COL14A1: variants seen among roughly 807,000 people sequenced by gnomAD.
The protein encoded by COL14A1 is collagen alpha-1(XIV) chain.
COL14A1 carries 136 observed loss-of-function variants against 230.3 expected under a neutral mutation model. That is an observed-to-expected ratio of 0.59 (90% CI 0.51 to 0.68). The LOEUF (loss-of-function observed/expected upper bound fraction) is 0.68, where lower values mean the gene tolerates loss of function less well. Among genes scored for constraint, COL14A1 ranks in the 30% least tolerant of loss-of-function variants. The pLI is 0.00. For synonymous variants in COL14A1, 792 were observed against 784.1 expected (o/e 1.01, Z -0.17); for missense variants, 1,976 against 2,215.8 (o/e 0.89, Z 2.17).
At chr8:120,178,929 T>G (rs957147831) in intron 5 of COL14A1, among the ~76,000 whole-genome samples, 1 of 152,266 alleles carries the variant, frequency 6.6e-6, no homozygotes, top group Middle Eastern at 3.4e-3. Context: ...GTTTTTTTTT[T>G]GTAAATTTGT....
intron 35 of COL14A1, among the ~76,000 whole-genome samples, chr8:120,299,876 G>C (rs1820657722): frequency 6.6e-6 from 1 of 151,942 alleles, no homozygotes; most frequent in Admixed American, 6.6e-5. Context: ...GCTCTATTTG[G>C]CTCTAATTTT....
At position 120,368,616 on chromosome 8, in the gene COL14A1, A is replaced by G. The variant is rs1034431874; in HGVS notation, c.5156-714A>G. 2.0e-4 allele frequency among the ~76,000 whole-genome samples: 30 copies of G among 152,158 alleles called. 1 individual carries two copies. Among genetic ancestry groups the G allele is most frequent in the African/African-American group, 7.2e-4 (30 of 41,450 alleles). ...AACAAGCATACAAGCCAAAAAAAAA[A>G]AAAAAAACATGCTGACAAATTTCTT... is the stretch of plus-strand genomic sequence containing the variant. On this transcript the variant is annotated intron_variant, in intron 46 of 47. Transcript: ENST00000297848.
At chr8:120,265,622 A>T (rs1819479240) in intron 24 of COL14A1, among the ~76,000 whole-genome samples, 1 of 150,774 alleles carries the variant, frequency 6.6e-6, no homozygotes, top group African/African-American at 2.4e-5. Context: ...CATATATATA[A>T]AATAAAAAAG....
intron 6 of COL14A1, among the ~76,000 whole-genome samples, chr8:120,197,551 T>C (rs949643527): frequency 6.6e-6 from 1 of 152,094 alleles, no homozygotes; most frequent in Admixed American, 6.6e-5. Flanking sequence ...TGATCAGAGT[T>C]TTTTTTAATG....
intron 36 of COL14A1, among the ~76,000 whole-genome samples, chr8:120,302,703 G>T (rs1820753141): frequency 6.6e-6 from 1 of 152,122 alleles, no homozygotes; most frequent in Non-Finnish European, 1.5e-5. Flanking sequence ...TTTTGCTTAG[G>T]ATTGCCTTGA....
At chr8:120,204,778 G>A (rs1193301081) in intron 9 of COL14A1, among the ~76,000 whole-genome samples, 2 of 152,192 alleles carry the variant, frequency 1.3e-5, no homozygotes, top group Admixed American at 6.5e-5. Context: ...GGACGGTGGT[G>A]AAAGTCCTGA....
At chr8:120,315,697 A>G (rs1821200756) in intron 39 of COL14A1, 111 bp downstream of exon 39, 1 of 925,790 alleles carries the variant, frequency 1.1e-6, no homozygotes, top group Non-Finnish European at 1.7e-6. Context: ...TGTTTTCCAT[A>G]TTAAAGACTG....
chr8:120,179,676 C>T lies in COL14A1; in HGVS notation c.436+11429C>T, dbSNP rs185055065. On this transcript the variant is annotated intron_variant, in intron 5 of 47. Transcript: ENST00000297848. ...CTACCATTAGAATTAGAAAAAACTACTTCACCATATTAGAAAAAACTACTT... is the reference window on the plus strand; with the variant it reads ...CTACCATTAGAATTAGAAAAAACTATTTCACCATATTAGAAAAAACTACTT... Among the ~76,000 whole-genome samples the T allele has an allele frequency of 1.9e-3, 292 of 152,186 alleles. 1 individual carries two copies. The highest frequency in any genetic ancestry group is 3.4e-3 in the Middle Eastern group (1 of 294).
At chr8:120,167,302 G>A (rs912104166) in intron 4 of COL14A1, among the ~76,000 whole-genome samples, 8 of 152,070 alleles carry the variant, frequency 5.3e-5, no homozygotes, top group Admixed American at 3.9e-4. Context: ...GGAAATCATT[G>A]TTTCCCCTAT....
At chr8:120,196,321 C>T (rs1044926827) in intron 5 of COL14A1, among the ~76,000 whole-genome samples, 1 of 152,266 alleles carries the variant, frequency 6.6e-6, no homozygotes, top group East Asian at 1.9e-4. Flanking sequence ...GTAATGTTTC[C>T]TTGAATTCAG....
intron 20 of COL14A1, among the ~76,000 whole-genome samples, chr8:120,247,293 C>T (rs1397293104): frequency 2.6e-5 from 4 of 152,036 alleles, no homozygotes; most frequent in Non-Finnish European, 5.9e-5. Context: ...CGTGGTGGTA[C>T]GTGCCTGTAG....
At chr8:120,258,095 A>G (rs1363434681) in intron 23 of COL14A1, among the ~76,000 whole-genome samples, 1 of 152,222 alleles carries the variant, frequency 6.6e-6, no homozygotes, top group Non-Finnish European at 1.5e-5. Flanking sequence ...ATATTCACAG[A>G]AATCTAGATA....
At position 120,245,187 on chromosome 8, in the gene COL14A1, C is replaced by A. The variant is rs557188191; in HGVS notation, c.2479+1179C>A. Among the ~76,000 whole-genome samples the A allele has an allele frequency of 3.9e-5, 6 of 152,380 alleles. No individual in the cohort carries two copies. The South Asian group carries it at 1.2e-3, about 32-fold the overall frequency. Reference sequence around the variant, plus strand: ...GCCACCCCATGCAAAGTAGCCCCCACTGTCTATGATATTATCCTTTTTTGT... The same window carrying A: ...GCCACCCCATGCAAAGTAGCCCCCAATGTCTATGATATTATCCTTTTTTGT... On this transcript the variant is annotated intron_variant, in intron 20 of 47. Transcript: ENST00000297848.
At chr8:120,178,483 G>T (rs1172447440) in intron 5 of COL14A1, among the ~76,000 whole-genome samples, 3 of 152,142 alleles carry the variant, frequency 2.0e-5, no homozygotes, top group Non-Finnish European at 4.4e-5. Context: ...TCATTGATAG[G>T]AATTTGGGTT....
At chr8:120,142,135 G>T (rs1814936711) in intron 1 of COL14A1, among the ~76,000 whole-genome samples, 1 of 151,512 alleles carries the variant, frequency 6.6e-6, no homozygotes, top group African/African-American at 2.4e-5. Context: ...TCCTTGCTTT[G>T]TTCTGATTGA....
chr8:120,366,637 T>C (rs1004079483), intron 45 of COL14A1, among the ~76,000 whole-genome samples: 6 of 152,246 alleles, frequency 3.9e-5, no homozygotes, highest in African/African-American at 1.4e-4. Context: ...GAAACATGAA[T>C]AGATTTAGAT....
At chr8:120,200,715 TTATATATATATATATATATATATATATA>T (rs34177030) in intron 8 of COL14A1, among the ~76,000 whole-genome samples, 23 of 85,748 alleles carry the variant, frequency 2.7e-4, no homozygotes, top group Admixed American at 5.7e-4. Flanking sequence ...GTTTTCCTAT[TTATATATATATATATATATATATATATA>T]TATATATATA....
chr8:120,262,878 G>A lies in COL14A1; in HGVS notation c.2880G>A (p.Lys960=), dbSNP rs1315336974. 4.4e-6 allele frequency: 7 copies of A among 1,603,986 alleles called. No homozygotes were observed. The highest frequency in any genetic ancestry group is 5.9e-6 in the Non-Finnish European group (7 of 1,177,590). ...VVIESLQDRQ[K]QESTVGGGTT... ...TTGTTTTTATTATAGATAGGCAAAAGCAAGAATCCACTGTGGGTGGAGGGA... is the reference window on the plus strand; with the variant it reads ...TTGTTTTTATTATAGATAGGCAAAAACAAGAATCCACTGTGGGTGGAGGGA... The change falls in exon 24 of 48, where the codon AAG becomes AAA. Residue 960 remains lysine (K), a synonymous_variant. Coordinates refer to ENST00000297848, the MANE Select transcript of COL14A1 (RefSeq NM_021110.4).
At chr8:120,161,622 A>G (rs1027150627) in intron 3 of COL14A1, among the ~76,000 whole-genome samples, 1 of 152,134 alleles carries the variant, frequency 6.6e-6, no homozygotes, top group Non-Finnish European at 1.5e-5. Flanking sequence ...GTAGAAAAAA[A>G]TTCCAGTGTA....
Sources: gnomAD v4.1 joint callset for allele counts (sites outside exome capture counted in the v4.1 genomes callset) on GRCh38, gnomAD v4.1.1 for gene constraint, MANE v1.5 for transcripts, NCBI Gene and HGNC (gene_info 2026-07-23, HGNC 2026-07-21) for gene names.